DMD: variants seen among roughly 807,000 people sequenced by gnomAD.
DMD encodes mutant dystrophin.
In DMD, 63 loss-of-function variants were observed where a neutral mutation model predicts 330.1. That is an observed-to-expected ratio of 0.19 (90% CI 0.16 to 0.24). The LOEUF (loss-of-function observed/expected upper bound fraction) is 0.24, where lower values mean the gene tolerates loss of function less well. Among genes scored for constraint, DMD ranks in the 10% least tolerant of loss-of-function variants. DMD has a pLI of 1.00. For missense variants in DMD, 3,344 were observed against 2,684.1 expected (o/e 1.25, Z -5.43); for synonymous variants, 1,223 against 959.8 (o/e 1.27, Z -5.07).
chrX:31,523,125 T>G (rs1007016981), intron 55 of DMD, among the ~76,000 whole-genome samples: 1 of 110,943 alleles, frequency 9.0e-6, no homozygotes, highest in Non-Finnish European at 1.9e-5. Context: ...ACTCAAGAAT[T>G]TGCATTTCTT....
intron 44 of DMD, among the ~76,000 whole-genome samples, chrX:32,097,967 T>C (rs1876322919): frequency 9.0e-6 from 1 of 111,160 alleles, no homozygotes; most frequent in Admixed American, 9.6e-5. Flanking sequence ...TTCTTTACAA[T>C]GCTAGCGAGT....
intron 51 of DMD, among the ~76,000 whole-genome samples, chrX:31,738,179 G>A (rs983032771): frequency 9.0e-6 from 1 of 111,473 alleles, no homozygotes; most frequent in Non-Finnish European, 1.9e-5. Context: ...ACAGTTAACA[G>A]ATACCCATAC....
chrX:31,522,294 G>C (rs986023907), intron 55 of DMD, among the ~76,000 whole-genome samples: 31 of 100,992 alleles, frequency 3.1e-4, no homozygotes, highest in Non-Finnish European at 5.5e-4. Flanking sequence ...GACCCATGGC[G>C]GGAAGAGAGA....
intron 1 of DMD, among the ~76,000 whole-genome samples, chrX:33,102,316 G>GTTTTTTTTTTTTT (rs3083153): frequency 1.0e-5 from 1 of 95,846 alleles, no homozygotes; most frequent in Non-Finnish European, 2.1e-5. Context: ...GGTTTTTTTT[G>GTTTTTTTTTTTTT]TTTTTTTTTT....
intron 43 of DMD, among the ~76,000 whole-genome samples, chrX:32,267,977 G>A (rs1331554997): frequency 8.9e-6 from 1 of 112,034 alleles, no homozygotes. Flanking sequence ...ATTAGCAAAA[G>A]ATTAAACAAG....
intron 18 of DMD, among the ~76,000 whole-genome samples, chrX:32,510,270 C>T (rs1223536037): frequency 8.9e-6 from 1 of 111,876 alleles, no homozygotes; most frequent in Admixed American, 9.5e-5. Context: ...TACAGGCATG[C>T]TGCTGTTACA....
intron 41 of DMD, among the ~76,000 whole-genome samples, chrX:32,321,389 C>T (rs1044788835): frequency 9.0e-6 from 1 of 111,016 alleles, no homozygotes; most frequent in Non-Finnish European, 1.9e-5. Flanking sequence ...TATCTTGGCA[C>T]GATCTGAGAC....
At chrX:31,592,519 G>GTC (rs979599001) in intron 55 of DMD, among the ~76,000 whole-genome samples, 1 of 104,304 alleles carries the variant, frequency 9.6e-6, no homozygotes, top group African/African-American at 3.5e-5. Flanking sequence ...CTTGAAAAGT[G>GTC]TCTCACACAC....
chrX:31,868,473 A>T, intron 48 of DMD, among the ~76,000 whole-genome samples: 1 of 112,078 alleles, frequency 8.9e-6, no homozygotes, highest in Middle Eastern at 4.6e-3. Context: ...CTCAATAAAT[A>T]TATTTAGGTA....
rs751301248 is a variant in DMD, at chrX:32,690,408, TTGTCATTACA to T, written c.960+7452_960+7461del. The stretch of plus-strand genomic sequence containing the variant: ...CATTCATGGATCGAAGGACTTAAAA[TTGTCATTACA>T]TTCAAAGAAATCTACAGAACTAATA... On this transcript the variant is annotated intron_variant, in intron 9 of 78. Coordinates refer to ENST00000357033, the MANE Select transcript of DMD (RefSeq NM_004006.3). Among the ~76,000 whole-genome samples the T allele has an allele frequency of 7.2e-5, 8 of 111,483 alleles. No homozygotes were observed. The South Asian group carries it at 3.0e-3, about 42-fold the overall frequency.
chrX:32,028,548 T>G (rs1329569971), intron 44 of DMD, among the ~76,000 whole-genome samples: 1 of 111,599 alleles, frequency 9.0e-6, no homozygotes, highest in Non-Finnish European at 1.9e-5. Context: ...ACAAGGAGAT[T>G]CTGGTACTAC....
At chrX:31,667,425 T>C (rs1238323564) in intron 53 of DMD, among the ~76,000 whole-genome samples, 1 of 111,312 alleles carries the variant, frequency 9.0e-6, no homozygotes, top group Non-Finnish European at 1.9e-5. Flanking sequence ...TATGTATTTT[T>C]ATTTCTGTTC....
chrX:32,141,106 T>C (rs1418794858), intron 44 of DMD, among the ~76,000 whole-genome samples: 1 of 110,705 alleles, frequency 9.0e-6, no homozygotes, highest in Non-Finnish European at 1.9e-5. Context: ...TTACTCCCTA[T>C]GCAGTAACAT....
At chrX:31,806,666 G>A (rs995870120) in intron 50 of DMD, among the ~76,000 whole-genome samples, 5 of 112,048 alleles carry the variant, frequency 4.5e-5, no homozygotes, top group African/African-American at 9.7e-5. Context: ...TTCTGCCCAC[G>A]CAGGTCTATC....
chrX:33,313,602 G>A (rs2053882617), intron 1 of DMD, among the ~76,000 whole-genome samples: 1 of 109,970 alleles, frequency 9.1e-6, no homozygotes, highest in African/African-American at 3.3e-5. Flanking sequence ...ACCAACTGAA[G>A]AACTGTATTA....
intron 2 of DMD, among the ~76,000 whole-genome samples, chrX:32,867,346 C>T (rs2082594733): frequency 8.9e-6 from 1 of 111,900 alleles, no homozygotes; most frequent in Non-Finnish European, 1.9e-5. Flanking sequence ...TGAACTAAAA[C>T]TGTCACCTTT....
chrX:32,040,423 G>A (rs1003377041), intron 44 of DMD, among the ~76,000 whole-genome samples: 13 of 112,245 alleles, frequency 1.2e-4, no homozygotes, highest in African/African-American at 4.2e-4. Context: ...CCACTCTGTG[G>A]AAGAAGGAAA....
rs759770005 is a variant in DMD, at chrX:31,421,962, C to CAT, written c.9084+22517_9084+22518dup. ...ACACACATATATATATATATATACACATATATATATACACATATATATATG... is the reference window on the plus strand; with the variant it reads ...ACACACATATATATATATATATACACATATATATATATACACATATATATATG... On this transcript the variant is annotated intron_variant, in intron 60 of 78. Coordinates refer to ENST00000357033, the MANE Select transcript of DMD (RefSeq NM_004006.3). 7.6e-3 allele frequency among the ~76,000 whole-genome samples: 488 copies of CAT among 63,886 alleles called. 9 individuals are homozygous for CAT. Among genetic ancestry groups the CAT allele is most frequent in the African/African-American group, 0.049 (444 of 9,133 alleles). The allele number at this position is 63,886 out of a possible 115,157, so 55.5% of individuals were successfully genotyped here.
chrX:32,826,808 T>C (rs2078727491), intron 4 of DMD, among the ~76,000 whole-genome samples: 1 of 110,806 alleles, frequency 9.0e-6, no homozygotes, highest in South Asian at 3.8e-4. Flanking sequence ...ATAACAATAT[T>C]GTATTTTGAA....
Sources: allele counts gnomAD v4.1 joint callset (sites outside exome capture counted in the v4.1 genomes callset), GRCh38; gene constraint gnomAD v4.1.1; transcripts MANE v1.5; gene names NCBI Gene and HGNC (gene_info 2026-07-23, HGNC 2026-07-21).